The following DIAPH2 variants were observed in gnomAD, a reference collection of about 807,000 sequenced individuals.
The protein encoded by DIAPH2 is diaphanous related formin 2, also known as protein diaphanous homolog 2.
Under a neutral mutation model 92.7 loss-of-function variants are expected in DIAPH2, and 35 were observed. The ratio of observed to expected loss-of-function variants is 0.38; its 90% CI spans 0.29 to 0.50. The LOEUF is 0.50. DIAPH2 is among the 20% of genes least tolerant of loss of function. The pLI, the probability that DIAPH2 is intolerant of heterozygous loss-of-function variation, is 0.94. For missense variants in DIAPH2, 701 were observed against 819.5 expected, an observed-to-expected ratio of 0.86 and a Z score of 1.77; for synonymous variants, 301 against 280.4, an observed-to-expected ratio of 1.07 and a Z score of -0.73.
At chrX:96,804,665 A>G (rs233656) in intron 4 of DIAPH2, among the ~76,000 whole-genome samples, 45,946 of 110,614 alleles carry the variant, frequency 0.42, 8,199 homozygotes, top group African/African-American at 0.7. Context: ...TTTGGAAAAT[A>G]GTGCAAAAGT....
At chrX:97,060,953 A>G (rs144573650) in intron 17 of DIAPH2, among the ~76,000 whole-genome samples, 1,124 of 109,989 alleles carry the variant, frequency 0.01, 19 homozygotes, top group African/African-American at 0.035. Context: ...GAAACTACCT[A>G]AGTATAATAT....
chrX:96,897,005 A>G (rs1042411410), intron 5 of DIAPH2, among the ~76,000 whole-genome samples: 3 of 110,675 alleles, frequency 2.7e-5, no homozygotes, highest in African/African-American at 9.9e-5. Context: ...TTAGTGGGGG[A>G]TTATTAAGGA....
intron 25 of DIAPH2, among the ~76,000 whole-genome samples, chrX:97,412,432 A>C (rs771930843): frequency 2.7e-4 from 30 of 112,358 alleles, no homozygotes; most frequent in African/African-American, 9.4e-4. Flanking sequence ...ATAGCACTAA[A>C]TGCCCACAAG....
chrX:97,464,518 A>C (rs1015522218), intron 26 of DIAPH2, among the ~76,000 whole-genome samples: 1 of 110,487 alleles, frequency 9.1e-6, no homozygotes, highest in Non-Finnish European at 1.9e-5. Context: ...TTTATGTGAC[A>C]TGGGTCTCTC....
intron 19 of DIAPH2, among the ~76,000 whole-genome samples, chrX:97,078,549 GC>G (rs2066720602): frequency 9.0e-6 from 1 of 111,051 alleles, no homozygotes; most frequent in Non-Finnish European, 1.9e-5. Flanking sequence ...TATAGTTGTG[GC>G]AGAGATCTTA....
At chrX:97,270,406 CTG>C (rs1240094941) in intron 23 of DIAPH2, among the ~76,000 whole-genome samples, 1 of 112,148 alleles carries the variant, frequency 8.9e-6, no homozygotes, top group Non-Finnish European at 1.9e-5. Flanking sequence ...GATAGGAAAA[CTG>C]TGGTACAGAG....
At chrX:96,950,223 T>C (rs2065765822) in intron 15 of DIAPH2, among the ~76,000 whole-genome samples, 1 of 111,297 alleles carries the variant, frequency 9.0e-6, no homozygotes, top group Admixed American at 9.6e-5. Flanking sequence ...TTCTTTTTTG[T>C]GTATATTTTT....
At chrX:97,081,138 C>T (rs1049949408) in intron 19 of DIAPH2, among the ~76,000 whole-genome samples, 32 of 111,888 alleles carry the variant, frequency 2.9e-4, no homozygotes, top group South Asian at 7.4e-4. Flanking sequence ...AATCATAAAA[C>T]ATTTCTTTCT....
At chrX:97,096,430 A>G (rs145495848) in intron 19 of DIAPH2, among the ~76,000 whole-genome samples, 2,137 of 111,613 alleles carry the variant, frequency 0.019, 48 homozygotes, top group African/African-American at 0.066. Context: ...ATTCTTATCA[A>G]AAGTCTCAAC....
At chrX:97,222,522 T>G (rs896789719) in intron 22 of DIAPH2, among the ~76,000 whole-genome samples, 6 of 111,473 alleles carry the variant, frequency 5.4e-5, no homozygotes, top group African/African-American at 2.0e-4. Context: ...GATTATTGAA[T>G]AGAAAAACAT....
chrX:96,998,206 A>G (rs777516530), intron 17 of DIAPH2, among the ~76,000 whole-genome samples: 1 of 111,970 alleles, frequency 8.9e-6, no homozygotes, highest in African/African-American at 3.3e-5. Flanking sequence ...TACCTCAATA[A>G]AAATAGTAAT....
intron 1 of DIAPH2, 75 bp from the exon 2 acceptor site, chrX:96,735,682 AT>A: frequency 1.7e-6 from 1 of 578,435 alleles, no homozygotes; most frequent in Non-Finnish European, 2.8e-6. Flanking sequence ...AAATTATTAA[AT>A]TATTTTATTG....
chrX:97,050,087 C>T (rs1000621267), intron 17 of DIAPH2, among the ~76,000 whole-genome samples: 1 of 111,114 alleles, frequency 9.0e-6, no homozygotes, highest in Non-Finnish European at 1.9e-5. Flanking sequence ...TGATGTTTTT[C>T]TTTTGTTTAT....
chrX:96,777,416 G>GA (rs757113731), intron 4 of DIAPH2, among the ~76,000 whole-genome samples: 1 of 106,231 alleles, frequency 9.4e-6, no homozygotes, highest in Non-Finnish European at 1.9e-5. Flanking sequence ...GAATAATTTG[G>GA]AAAAAATCTA....
chrX:96,827,026 T>C (rs2064820294), intron 4 of DIAPH2, among the ~76,000 whole-genome samples: 2 of 112,781 alleles, frequency 1.8e-5, no homozygotes, highest in South Asian at 7.3e-4. Flanking sequence ...TTGAAATTAT[T>C]AAACATTTGA....
At chrX:97,002,445 A>G (rs1192846264) in intron 17 of DIAPH2, among the ~76,000 whole-genome samples, 1 of 111,315 alleles carries the variant, frequency 9.0e-6, no homozygotes, top group African/African-American at 3.3e-5. Context: ...AACAGATAAA[A>G]TTCACATTTT....
rs1390693596 is a variant in DIAPH2, at chrX:97,441,787, C to CT, written c.3241+12043dup. On this transcript the variant is annotated intron_variant, in intron 26 of 26. Coordinates refer to ENST00000324765, the MANE Select transcript of DIAPH2 (RefSeq NM_006729.5). ...CGAGATCGTGCCACTGCACTCCAGC[C>CT]TGGCGACAGAGCGAGACTCCGTCTC... 2.7e-5 allele frequency among the ~76,000 whole-genome samples: 3 copies of CT among 112,865 alleles called. No individual in the cohort carries two copies. In the East Asian group the frequency reaches 8.3e-4, roughly 31 times the overall value.
intron 22 of DIAPH2, among the ~76,000 whole-genome samples, chrX:97,163,481 G>T (rs770458632): frequency 1.8e-5 from 2 of 112,032 alleles, no homozygotes; most frequent in Admixed American, 9.5e-5. Flanking sequence ...TGAGCCACCA[G>T]GCCTGGCCTA....
chrX:97,445,380 G>T (rs1357171286), intron 26 of DIAPH2, among the ~76,000 whole-genome samples: 2 of 110,758 alleles, frequency 1.8e-5, no homozygotes, highest in Non-Finnish European at 3.8e-5. Flanking sequence ...GAAGAATTTT[G>T]TTTTATCTGT....
Sources: gnomAD v4.1 joint callset for allele counts (sites outside exome capture counted in the v4.1 genomes callset) on GRCh38, gnomAD v4.1.1 for gene constraint, MANE v1.5 for transcripts, NCBI Gene and HGNC (gene_info 2026-07-23, HGNC 2026-07-21) for gene names.